Variants in AUH observed in about 807,000 individuals in gnomAD.
The protein encoded by AUH is AU RNA binding methylglutaconyl-CoA hydratase.
AUH carries 29 observed loss-of-function variants against 42.3 expected under a neutral mutation model. The observed-to-expected ratio is 0.69, with a 90% CI of 0.51 to 0.93. The LOEUF is 0.93. Ranked by LOEUF, AUH falls within the 40% of genes least tolerant of loss-of-function variation. AUH has a pLI of 0.00. For synonymous variants in AUH, 174 were observed against 166.4 expected (o/e 1.05, Z -0.35); for missense variants, 452 against 438.1 (o/e 1.03, Z -0.28).
chr9:91,264,853 T>C (rs1829887073), intron 6 of AUH, among the ~76,000 whole-genome samples: 1 of 152,234 alleles, frequency 6.6e-6, no homozygotes, highest in Admixed American at 6.5e-5. Context: ...GACATATCTT[T>C]GCTATCTCAT....
chr9:91,245,101 G>A (rs1011595040), intron 6 of AUH, among the ~76,000 whole-genome samples: 12 of 152,094 alleles, frequency 7.9e-5, no homozygotes, highest in African/African-American at 2.7e-4. Context: ...GAGGTGGGGA[G>A]GAAAAAAGCA....
chr9:91,216,895 G>A (rs1341479422), intron 8 of AUH, among the ~76,000 whole-genome samples: 1 of 152,208 alleles, frequency 6.6e-6, no homozygotes, highest in Non-Finnish European at 1.5e-5. Flanking sequence ...AAGGTGGAAA[G>A]AGCTAGCTGT....
At chr9:91,360,720 GCCTACTAAT>G (rs1216261654) in intron 1 of AUH, among the ~76,000 whole-genome samples, 1 of 152,112 alleles carries the variant, frequency 6.6e-6, no homozygotes, top group African/African-American at 2.4e-5. Flanking sequence ...AGTTCACACA[GCCTACTAAT>G]AACCAGGATC....
At chr9:91,340,331 T>G (rs1359874954) in intron 3 of AUH, among the ~76,000 whole-genome samples, 1 of 152,128 alleles carries the variant, frequency 6.6e-6, no homozygotes, top group African/African-American at 2.4e-5. Flanking sequence ...GAAAAAAAAT[T>G]ACCAAATGTT....
intron 3 of AUH, among the ~76,000 whole-genome samples, chr9:91,345,707 C>T (rs1831448084): frequency 1.3e-5 from 2 of 151,848 alleles, no homozygotes; most frequent in Non-Finnish European, 1.5e-5. Context: ...GTGGCGAGCC[C>T]CTGTAGTCCC....
chr9:91,280,513 T>C lies in AUH; in HGVS notation c.655+15508A>G, dbSNP rs375599025. On this transcript the variant is annotated intron_variant, in intron 6 of 9. Transcript: ENST00000375731. ...GGTTATAAGGAGGAAATTAAAATAC[T>C]CATAACCAAAATCACCAATTAATTA... 2.0e-5 allele frequency among the ~76,000 whole-genome samples: 3 copies of C among 152,330 alleles called. No homozygotes were observed. The East Asian group carries it at 5.8e-4, about 29-fold the overall frequency.
chr9:91,358,945 TGTC>T (rs1320992148), intron 1 of AUH, among the ~76,000 whole-genome samples: 29 of 152,238 alleles, frequency 1.9e-4, no homozygotes, highest in African/African-American at 6.8e-4. Flanking sequence ...TTTTTATAAC[TGTC>T]TCACTTTAAT....
intron 3 of AUH, among the ~76,000 whole-genome samples, chr9:91,343,778 G>C (rs1831282339): frequency 1.3e-5 from 2 of 152,140 alleles, no homozygotes. Context: ...TAGATTCAAT[G>C]TAGTAAAAGG....
intron 3 of AUH, among the ~76,000 whole-genome samples, chr9:91,348,815 G>A (rs903393202): frequency 1.3e-5 from 2 of 152,156 alleles, no homozygotes; most frequent in Non-Finnish European, 2.9e-5. Flanking sequence ...TCTGTATCAT[G>A]ATTCTGATCA....
intron 3 of AUH, among the ~76,000 whole-genome samples, chr9:91,326,812 T>C (rs549238143): frequency 1.3e-5 from 2 of 152,332 alleles, no homozygotes; most frequent in South Asian, 2.1e-4. Context: ...TACATGTCTT[T>C]GTAATTAATT....
At chr9:91,361,588 C>T (rs144233400) in intron 1 of AUH, 40 bp downstream of exon 1, 77 of 1,557,404 alleles carry the variant, frequency 4.9e-5, no homozygotes, top group Non-Finnish European at 6.3e-5. Flanking sequence ...GAGCGAGCGG[C>T]CGCCCGCTGC....
intron 3 of AUH, among the ~76,000 whole-genome samples, chr9:91,339,255 T>C (rs540325453): frequency 1.8e-4 from 28 of 152,362 alleles, no homozygotes; most frequent in African/African-American, 6.5e-4. Context: ...CAATTTCTAC[T>C]GAATGCGTAT....
intron 6 of AUH, among the ~76,000 whole-genome samples, chr9:91,231,046 C>T (rs375060322): frequency 1.3e-5 from 2 of 152,206 alleles, no homozygotes; most frequent in Non-Finnish European, 2.9e-5. Flanking sequence ...TACAGAGGCA[C>T]GCAGGCCTCC....
intron 6 of AUH, among the ~76,000 whole-genome samples, chr9:91,295,407 A>T (rs779803656): frequency 2.6e-5 from 4 of 152,246 alleles, no homozygotes; most frequent in Non-Finnish European, 4.4e-5. Flanking sequence ...TTAGTTGATA[A>T]AGCAGTGGCA....
intron 6 of AUH, among the ~76,000 whole-genome samples, chr9:91,268,197 A>G (rs1036528248): frequency 6.6e-6 from 1 of 152,236 alleles, no homozygotes. Flanking sequence ...TCTTTTATAC[A>G]TGAAAGCACA....
rs572912267 is a variant in AUH, at chr9:91,279,837, G to A, written c.655+16184C>T. On this transcript the variant is annotated intron_variant, in intron 6 of 9. Coordinates refer to ENST00000375731, the MANE Select transcript of AUH (RefSeq NM_001698.3). The stretch of plus-strand genomic sequence containing the variant: ...AGCACATGCCATGAGCTACTTATTC[G>A]ACTCCACAGGTAGACATGGCTAGTC... 5.9e-5 allele frequency among the ~76,000 whole-genome samples: 9 copies of A among 152,294 alleles called. No homozygotes were observed. In the South Asian group the frequency reaches 1.9e-3, roughly 32 times the overall value.
intron 6 of AUH, among the ~76,000 whole-genome samples, chr9:91,223,139 GA>G (rs1264624229): frequency 6.6e-6 from 1 of 152,218 alleles, no homozygotes; most frequent in East Asian, 1.9e-4. Context: ...GCCTGCGGTG[GA>G]GGCTAGAGGT....
chr9:91,292,518 A>G (rs1319029397), intron 6 of AUH, among the ~76,000 whole-genome samples: 3 of 151,798 alleles, frequency 2.0e-5, no homozygotes, highest in Non-Finnish European at 4.4e-5. Flanking sequence ...ACCTCAAGTG[A>G]TCCACCCGCC....
At chr9:91,219,036 G>T in intron 7 of AUH, 1 of 985,426 alleles carries the variant, frequency 1.0e-6, no homozygotes, top group Non-Finnish European at 1.2e-6. Context: ...CACATGCACA[G>T]GGACTGTGAT....
Sources: gnomAD v4.1 joint callset for allele counts (sites outside exome capture counted in the v4.1 genomes callset) on GRCh38, gnomAD v4.1.1 for gene constraint, MANE v1.5 for transcripts, NCBI Gene and HGNC (gene_info 2026-07-23, HGNC 2026-07-21) for gene names.